The following KIAA1549 variants were observed in gnomAD, a reference collection of about 807,000 sequenced individuals.
KIAA1549 encodes the protein UPF0606 protein KIAA1549.
In KIAA1549, 70 loss-of-function variants were observed where a neutral mutation model predicts 156.4. That is an observed-to-expected ratio of 0.45 (90% CI 0.37 to 0.55). KIAA1549 has a LOEUF of 0.55. Among genes scored for constraint, KIAA1549 ranks in the 20% least tolerant of loss-of-function variants. KIAA1549 has a pLI of 0.00. For missense variants in KIAA1549, 2,428 were observed against 2,540.9 expected (o/e 0.96, Z 0.96); for synonymous variants, 1,103 against 1,066.4 (o/e 1.03, Z -0.67).
intron 1 of KIAA1549, among the ~76,000 whole-genome samples, chr7:138,955,267 A>C (rs536273189): frequency 6.6e-5 from 10 of 152,250 alleles, no homozygotes; most frequent in Non-Finnish European, 1.2e-4. Context: ...ATGAATAAAC[A>C]AACGGTGGCA....
intron 17 of KIAA1549, 84 bp downstream of exon 17, chr7:138,852,139 T>G: frequency 1.2e-6 from 1 of 859,976 alleles, no homozygotes; most frequent in Non-Finnish European, 1.9e-6. Context: ...TCTGCTCATA[T>G]TAGCTAAAAT....
chr7:138,873,071 A>G (rs1020384071), intron 12 of KIAA1549, among the ~76,000 whole-genome samples: 1 of 152,242 alleles, frequency 6.6e-6, no homozygotes, highest in African/African-American at 2.4e-5. Flanking sequence ...GCATAAGTGA[A>G]AAACACAAAG....
intron 13 of KIAA1549, 105 bp from the exon 14 acceptor site, chr7:138,869,866 T>G (rs1370603449): frequency 1.2e-6 from 1 of 846,368 alleles, no homozygotes; most frequent in Non-Finnish European, 1.8e-6. Flanking sequence ...ATTTATTTAT[T>G]TGAGACAGAG....
intron 10 of KIAA1549, among the ~76,000 whole-genome samples, chr7:138,892,616 T>C (rs10266908): frequency 0.033 from 5,019 of 152,298 alleles, 279 homozygotes; most frequent in African/African-American, 0.11. Context: ...ATAACATTAA[T>C]GTATAAAATG....
chr7:138,896,175 T>C (rs1811679494), intron 9 of KIAA1549, among the ~76,000 whole-genome samples: 1 of 152,240 alleles, frequency 6.6e-6, no homozygotes, highest in Non-Finnish European at 1.5e-5. Context: ...AATCTTGTCT[T>C]TTCAAAAACA....
At chr7:138,978,835 GC>G in intron 1 of KIAA1549, among the ~76,000 whole-genome samples, 1 of 152,174 alleles carries the variant, frequency 6.6e-6, no homozygotes. Flanking sequence ...TGGGAGGGCA[GC>G]CCAAGCAACT....
intron 10 of KIAA1549, among the ~76,000 whole-genome samples, chr7:138,885,984 C>T (rs950655613): frequency 1.3e-5 from 2 of 152,106 alleles, no homozygotes; most frequent in Non-Finnish European, 2.9e-5. Context: ...CAAGGACACC[C>T]AGCTGATAAC....
chr7:138,935,692 G>C (rs1368744652), intron 1 of KIAA1549, among the ~76,000 whole-genome samples: 1 of 152,132 alleles, frequency 6.6e-6, no homozygotes, highest in Non-Finnish European at 1.5e-5. Flanking sequence ...CATCCACACC[G>C]ACGTCCAAGC....
chr7:138,968,794 A>G lies in KIAA1549; in HGVS notation c.187+12289T>C, dbSNP rs548009925. 1.5e-3 allele frequency among the ~76,000 whole-genome samples: 223 copies of G among 144,838 alleles called. 1 individual carries two copies. Among genetic ancestry groups the G allele is most frequent in the African/African-American group, 5.5e-3 (212 of 38,704 alleles). Reference sequence around the variant, plus strand: ...AGAATGGCGTGAACCTGGGAGGCAGAGCTTGCAGTGAGCCAAGATCGCGCC... The same window carrying G: ...AGAATGGCGTGAACCTGGGAGGCAGGGCTTGCAGTGAGCCAAGATCGCGCC... On this transcript the variant is annotated intron_variant, in intron 1 of 19. Coordinates refer to ENST00000422774, the MANE Select transcript of KIAA1549 (RefSeq NM_001164665.2).
chr7:138,903,850 TGTGCGCGC>T (rs1339564053), intron 7 of KIAA1549, 114 bp from the exon 8 acceptor site: 10 of 368,324 alleles, frequency 2.7e-5, no homozygotes, highest in African/African-American at 4.6e-5. Context: ...TGTGTGTGTG[TGTGCGCGC>T]GCGCGCGCGC....
intron 1 of KIAA1549, among the ~76,000 whole-genome samples, chr7:138,952,848 A>G (rs1813540159): frequency 6.6e-6 from 1 of 152,220 alleles, no homozygotes; most frequent in South Asian, 2.1e-4. Context: ...CTTGGTAAAT[A>G]ACATCCAGTA....
chr7:138,934,407 A>T (rs1174582916), intron 1 of KIAA1549, among the ~76,000 whole-genome samples: 13 of 128,930 alleles, frequency 1.0e-4, no homozygotes, highest in South Asian at 2.3e-4. Flanking sequence ...ATTTGCTACT[A>T]AAAAAAAAAA....
chr7:138,913,666 C>G (rs530983174), intron 2 of KIAA1549, among the ~76,000 whole-genome samples: 22 of 152,134 alleles, frequency 1.4e-4, no homozygotes, highest in African/African-American at 5.3e-4. Context: ...AATCAGTGAT[C>G]TGAAGTTTTT....
chr7:138,880,221 G>A (rs1252335879), intron 11 of KIAA1549, among the ~76,000 whole-genome samples: 1 of 152,156 alleles, frequency 6.6e-6, no homozygotes, highest in African/African-American at 2.4e-5. Context: ...AATGTGGAAT[G>A]CCAAGACATT....
chr7:138,935,346 T>C (rs572200982), intron 1 of KIAA1549, among the ~76,000 whole-genome samples: 16 of 152,312 alleles, frequency 1.1e-4, no homozygotes, highest in African/African-American at 3.4e-4. Context: ...CCAAAAGATA[T>C]TCTGTTTTGC....
chr7:138,858,324 A>G (rs957687234), intron 16 of KIAA1549, among the ~76,000 whole-genome samples: 3 of 151,952 alleles, frequency 2.0e-5, no homozygotes, highest in African/African-American at 7.3e-5. Context: ...TCAAACTCCT[A>G]GGCTCAATCA....
At chr7:138,888,068 C>T (rs1245600013) in intron 10 of KIAA1549, among the ~76,000 whole-genome samples, 1 of 152,212 alleles carries the variant, frequency 6.6e-6, no homozygotes, top group East Asian at 1.9e-4. Flanking sequence ...TATGTGACAA[C>T]TGTAATCTTC....
intron 1 of KIAA1549, among the ~76,000 whole-genome samples, chr7:138,957,640 G>A (rs543195566): frequency 5.9e-5 from 9 of 152,068 alleles, no homozygotes; most frequent in Admixed American, 2.0e-4. Context: ...ATGACACCCA[G>A]CTAATTCTTG....
At chr7:138,948,048 C>A (rs528225045) in intron 1 of KIAA1549, among the ~76,000 whole-genome samples, 10 of 152,298 alleles carry the variant, frequency 6.6e-5, no homozygotes, top group African/African-American at 2.4e-4. Flanking sequence ...CAGGTGTGAG[C>A]CACTGCACCC....
Sources: allele counts gnomAD v4.1 joint callset (sites outside exome capture counted in the v4.1 genomes callset), GRCh38; gene constraint gnomAD v4.1.1; transcripts MANE v1.5; gene names NCBI Gene and HGNC (gene_info 2026-07-23, HGNC 2026-07-21).